Variants in TTC7B observed in about 807,000 individuals in gnomAD.
TTC7B encodes tetratricopeptide repeat domain 7B, also known as tetratricopeptide repeat protein 7B.
Under a neutral mutation model 106.8 loss-of-function variants are expected in TTC7B, and 28 were observed. The ratio of observed to expected loss-of-function variants is 0.26; its 90% confidence interval spans 0.19 to 0.36. The LOEUF (loss-of-function observed/expected upper bound fraction) is 0.36. TTC7B is among the 10% of genes least tolerant of loss of function. TTC7B has a pLI of 1.00. For synonymous variants in TTC7B, 405 were observed against 430.6 expected (o/e 0.94, Z 0.74); for missense variants, 862 against 1,076.4 (o/e 0.80, Z 2.79).
rs368486671 is a variant in TTC7B, at chr14:90,618,078, C to T, written c.1752-33G>A. The T allele has an allele frequency of 6.1e-5, 92 of 1,512,156 alleles. No homozygotes were observed. The South Asian group carries it at 7.7e-4, about 13-fold the overall frequency. 93.7% of individuals were successfully genotyped at this position (1,512,156 alleles called of 1,614,324 possible). ...GGGGAGACAAAGGGAGAAAACACCA[C>T]GGCTCAAGCCACAGAGTCCCCATCC... On this transcript the variant is annotated intron_variant, in intron 15 of 19. Transcript: ENST00000328459.
chr14:90,737,554 T>C (rs770881270), intron 4 of TTC7B, among the ~76,000 whole-genome samples: 5,925 of 139,296 alleles, frequency 0.043, 158 homozygotes, highest in Non-Finnish European at 0.061. Context: ...CTGTTTTTTT[T>C]TTTTTTTTTT....
Position 90,660,410 on chromosome 14 carries a change from A to G in TTC7B, c.1153-2023T>C, listed in dbSNP as rs529414269. On this transcript the variant is annotated intron_variant, in intron 9 of 19. Transcript: ENST00000328459. ...CACCCTGTCTCAAAAAAAAAAAAAA[A>G]AAAAAAAAAAAGAAAAGAAAAGAAA... Among the ~76,000 whole-genome samples the G allele has an allele frequency of 1.6e-4, 24 of 150,138 alleles. No homozygotes were observed. The South Asian group carries it at 4.8e-3, about 30-fold the overall frequency.
chr14:90,765,282 G>A lies in TTC7B; in HGVS notation c.445+15456C>T, dbSNP rs74340588. 0.01 allele frequency among the ~76,000 whole-genome samples: 1,590 copies of A among 152,254 alleles called. 52 individuals are homozygous for A. In the East Asian group the frequency reaches 0.12, roughly 12 times the overall value. On this transcript the variant is annotated intron_variant, in intron 3 of 19. Coordinates refer to ENST00000328459, the MANE Select transcript of TTC7B (RefSeq NM_001010854.2). Reference sequence around the variant, plus strand: ...CTATAGAGACAGGGTATAGATTAGTGGTTGACTAGGGCTATAGAGTTGGGG... The same window carrying A: ...CTATAGAGACAGGGTATAGATTAGTAGTTGACTAGGGCTATAGAGTTGGGG...
chr14:90,647,398 C>T (rs905890546), intron 13 of TTC7B: 20 of 165,822 alleles, frequency 1.2e-4, no homozygotes, highest in Non-Finnish European at 1.8e-4. Flanking sequence ...CTTGGCAAGG[C>T]GATGGCTGCT....
chr14:90,740,274 C>T (rs942344549), intron 4 of TTC7B, among the ~76,000 whole-genome samples: 1 of 152,154 alleles, frequency 6.6e-6, no homozygotes, highest in African/African-American at 2.4e-5. Flanking sequence ...TCAGCAAGGG[C>T]CACTTCTCTA....
chr14:90,744,062 G>C (rs1029621540), intron 4 of TTC7B, among the ~76,000 whole-genome samples: 3 of 152,224 alleles, frequency 2.0e-5, no homozygotes, highest in Non-Finnish European at 4.4e-5. Context: ...TACTCAGCTC[G>C]GTCTACTTCG....
At chr14:90,718,998 C>A (rs1314731618) in intron 5 of TTC7B, among the ~76,000 whole-genome samples, 3 of 151,992 alleles carry the variant, frequency 2.0e-5, no homozygotes, top group Non-Finnish European at 4.4e-5. Flanking sequence ...CAGTGGCTTG[C>A]GCCTGTAATC....
intron 18 of TTC7B, among the ~76,000 whole-genome samples, chr14:90,589,624 G>C (rs761691028): frequency 5.3e-5 from 8 of 152,202 alleles, no homozygotes; most frequent in Non-Finnish European, 1.2e-4. Context: ...GGTAGACTGT[G>C]TATAGGGATA....
intron 6 of TTC7B, among the ~76,000 whole-genome samples, chr14:90,695,075 A>ATATATATT (rs1225362282): frequency 0.093 from 4,117 of 44,246 alleles, 11 homozygotes; most frequent in East Asian, 0.21. Flanking sequence ...TATAAAATAT[A>ATATATATT]TTTTATTTTA....
At position 90,618,505 on chromosome 14, in the gene TTC7B, C is replaced by T. The variant is rs564149985; in HGVS notation, c.1752-460G>A. 9.4e-4 allele frequency among the ~76,000 whole-genome samples: 143 copies of T among 152,326 alleles called. 2 individuals carry two copies. Among genetic ancestry groups the T allele is most frequent in the Admixed American group, 9.1e-3 (139 of 15,302 alleles). ...GTCGTGTGAGCTTCGAAAGCCTGAA[C>T]GGAAGTCCCATGAAGAAGGGCAGCC... On this transcript the variant is annotated intron_variant, in intron 15 of 19. Transcript: ENST00000328459.
At chr14:90,753,611 G>C (rs1890199363) in intron 3 of TTC7B, among the ~76,000 whole-genome samples, 1 of 152,194 alleles carries the variant, frequency 6.6e-6, no homozygotes, top group African/African-American at 2.4e-5. Flanking sequence ...CCAAGTGCTG[G>C]GGGGAAGCAG....
rs188850451 is a variant in TTC7B, at chr14:90,809,104, C to G, written c.121+7071G>C. Among the ~76,000 whole-genome samples the G allele has an allele frequency of 3.3e-3, 504 of 152,308 alleles. 6 individuals are homozygous for G. Among genetic ancestry groups the G allele is most frequent in the African/African-American group, 0.011 (476 of 41,570 alleles). On this transcript the variant is annotated intron_variant, in intron 1 of 19. Transcript: ENST00000328459. ...TATAATCGAGTGAGATTCTTCTTGT[C>G]TCTCTGCACCGCCACCCTCCTTGGG...
intron 5 of TTC7B, among the ~76,000 whole-genome samples, chr14:90,714,952 C>T (rs1445802951): frequency 6.6e-6 from 1 of 152,142 alleles, no homozygotes; most frequent in African/African-American, 2.4e-5. Context: ...AATTTTCACT[C>T]TGCTCTCAGC....
At position 90,575,569 on chromosome 14, in the gene TTC7B, G is replaced by T. The variant is rs1891228821; in HGVS notation, c.2310+2537C>A. On this transcript the variant is annotated intron_variant, in intron 19 of 19. Transcript: ENST00000328459. The surrounding 1 kb of genome is among the most constrained non-coding windows in gnomAD (Gnocchi z 5.2). ...GGCTGCCCCTCCACAGGCACCAGAGGGTCCTGCAGCACCAGTGGGAGGGGG... is the reference window on the plus strand; with the variant it reads ...GGCTGCCCCTCCACAGGCACCAGAGTGTCCTGCAGCACCAGTGGGAGGGGG... Among the ~76,000 whole-genome samples the T allele has an allele frequency of 2.0e-5, 3 of 152,194 alleles. No homozygotes were observed. The highest frequency in any genetic ancestry group is 2.9e-5 in the Non-Finnish European group (2 of 68,030).
chr14:90,741,722 T>TAAGA (rs1889774073), intron 4 of TTC7B, among the ~76,000 whole-genome samples: 1 of 152,238 alleles, frequency 6.6e-6, no homozygotes, highest in African/African-American at 2.4e-5. Flanking sequence ...ACAACTATCT[T>TAAGA]GCCACATAAA....
intron 8 of TTC7B, chr14:90,677,922 T>C: frequency 2.4e-6 from 1 of 416,206 alleles, no homozygotes; most frequent in South Asian, 1.8e-5. Flanking sequence ...ACAAGCCTGC[T>C]TTTGAAGATT....
chr14:90,794,580 G>A (rs887315445), intron 1 of TTC7B, among the ~76,000 whole-genome samples: 1 of 152,190 alleles, frequency 6.6e-6, no homozygotes, highest in East Asian at 1.9e-4. Flanking sequence ...AGAGAGAAAG[G>A]GGGAACCGTC....
chr14:90,745,268 C>CAATAG (rs1889917907), intron 3 of TTC7B, among the ~76,000 whole-genome samples: 1 of 144,464 alleles, frequency 6.9e-6, no homozygotes, highest in East Asian at 2.0e-4. Context: ...TGCACTCCAG[C>CAATAG]CTGGGCAATA....
intron 3 of TTC7B, among the ~76,000 whole-genome samples, chr14:90,780,487 A>AAAGAAAGAAAGG (rs1490881541): frequency 2.6e-5 from 4 of 152,014 alleles, no homozygotes; most frequent in African/African-American, 9.7e-5. Context: ...AGAAAGAAAG[A>AAAGAAAGAAAGG]AAGGAAAGAA....
Sources: gnomAD v4.1 joint callset for allele counts (sites outside exome capture counted in the v4.1 genomes callset) on GRCh38, gnomAD v4.1.1 for gene constraint, Gnocchi (gnomAD v3.1) non-coding constraint, MANE v1.5 for transcripts, NCBI Gene and HGNC (gene_info 2026-07-23, HGNC 2026-07-21) for gene names.